The following HCN1 variants were observed in gnomAD, a reference collection of about 807,000 sequenced individuals.
HCN1 encodes the protein hyperpolarization activated cyclic nucleotide gated potassium channel 1.
HCN1 carries 13 observed loss-of-function variants against 78.9 expected under a neutral mutation model. That is an observed-to-expected ratio of 0.16 (90% confidence interval 0.11 to 0.26). HCN1 has a LOEUF of 0.26. Ranked by LOEUF, HCN1 falls within the 10% of genes least tolerant of loss-of-function variation. The pLI is 1.00. For synonymous variants in HCN1, 552 were observed against 455.5 expected, an observed-to-expected ratio of 1.21 and a Z score of -2.70; for missense variants, 810 against 1,154.3, an observed-to-expected ratio of 0.70 and a Z score of 4.32.
At chr5:45,626,587 T>C (rs1745167748) in intron 2 of HCN1, among the ~76,000 whole-genome samples, 1 of 152,122 alleles carries the variant, frequency 6.6e-6, no homozygotes, top group South Asian at 2.1e-4. Flanking sequence ...TCAGGAAATA[T>C]CTATTTGTGA....
intron 2 of HCN1, among the ~76,000 whole-genome samples, chr5:45,561,959 G>C (rs532191016): frequency 6.6e-6 from 1 of 152,220 alleles, no homozygotes; most frequent in East Asian, 1.9e-4. Flanking sequence ...GGCTGGTCCT[G>C]GTTTTTATTC....
intron 3 of HCN1, among the ~76,000 whole-genome samples, chr5:45,449,945 G>A (rs1054360032): frequency 5.3e-5 from 8 of 151,984 alleles, no homozygotes; most frequent in South Asian, 4.1e-4. Context: ...CCATTCTCCC[G>A]CCTCAGCCTC....
chr5:45,392,016 G>A (rs1561138023), intron 4 of HCN1, among the ~76,000 whole-genome samples: 2 of 152,010 alleles, frequency 1.3e-5, no homozygotes, highest in Non-Finnish European at 2.9e-5. Flanking sequence ...TGATCCTTAA[G>A]AATTTAAGGA....
chr5:45,308,830 G>T (rs1745790502), intron 5 of HCN1, among the ~76,000 whole-genome samples: 1 of 152,028 alleles, frequency 6.6e-6, no homozygotes, highest in African/African-American at 2.4e-5. Context: ...TTTTTCTTAG[G>T]ATTGTCTTGG....
intron 4 of HCN1, among the ~76,000 whole-genome samples, chr5:45,376,514 T>C (rs1579855047): frequency 6.6e-6 from 1 of 150,706 alleles, no homozygotes; most frequent in African/African-American, 2.4e-5. Flanking sequence ...AACTGCAAGA[T>C]ATAAATGTTG....
chr5:45,360,066 T>C (rs1473182444), intron 4 of HCN1, among the ~76,000 whole-genome samples: 4 of 151,022 alleles, frequency 2.6e-5, no homozygotes, highest in Non-Finnish European at 5.9e-5. Context: ...ATGTATGTTA[T>C]GTGATAAATA....
intron 1 of HCN1, among the ~76,000 whole-genome samples, chr5:45,658,547 T>A (rs1437074562): frequency 6.6e-6 from 1 of 151,904 alleles, no homozygotes; most frequent in Non-Finnish European, 1.5e-5. Flanking sequence ...AGGTAACGGG[T>A]TCATCTCACT....
intron 2 of HCN1, among the ~76,000 whole-genome samples, chr5:45,545,367 AT>A (rs1163181435): frequency 6.6e-6 from 1 of 152,040 alleles, no homozygotes; most frequent in Non-Finnish European, 1.5e-5. Context: ...AGATGGGTAG[AT>A]TGTAAAAATT....
chr5:45,325,681 A>G (rs1251783502), intron 5 of HCN1, among the ~76,000 whole-genome samples: 6 of 151,696 alleles, frequency 4.0e-5, no homozygotes, highest in Non-Finnish European at 7.4e-5. Context: ...TATATGAGAA[A>G]ATCAGCCCAT....
chr5:45,520,545 T>C (rs1230023619), intron 2 of HCN1, among the ~76,000 whole-genome samples: 2 of 152,050 alleles, frequency 1.3e-5, no homozygotes, highest in African/African-American at 4.8e-5. Flanking sequence ...GTATTAATCT[T>C]ATTTTCATGT....
At chr5:45,531,274 C>T (rs1742842069) in intron 2 of HCN1, among the ~76,000 whole-genome samples, 1 of 152,142 alleles carries the variant, frequency 6.6e-6, no homozygotes, top group Non-Finnish European at 1.5e-5. Flanking sequence ...AAATGTTTCT[C>T]TAATTTGTTC....
intron 3 of HCN1, among the ~76,000 whole-genome samples, chr5:45,450,749 A>G (rs907740259): frequency 6.6e-6 from 1 of 152,206 alleles, no homozygotes; most frequent in East Asian, 1.9e-4. Context: ...ACAAGAAATA[A>G]AAGATCTTAA....
At chr5:45,511,197 A>T (rs1742409104) in intron 2 of HCN1, among the ~76,000 whole-genome samples, 3 of 152,080 alleles carry the variant, frequency 2.0e-5, no homozygotes, top group Admixed American at 2.0e-4. Context: ...TTATTAGAAT[A>T]TAAGCCAAAG....
chr5:45,353,256 A>G lies in HCN1; in HGVS notation c.1231-10T>C. 1 of 1,585,782 alleles carries G rather than the reference A, an allele frequency of 6.3e-7. No homozygotes were observed. Reference sequence around the variant, plus strand: ...GTTCCACTTGCTTATACTGTAAGGAAGGGAAAATAAAATTAAAAAAAAACA... The same window carrying G: ...GTTCCACTTGCTTATACTGTAAGGAGGGGAAAATAAAATTAAAAAAAAACA... On this transcript the variant is annotated splice_polypyrimidine_tract_variant and intron_variant, in intron 4 of 7. Coordinates refer to ENST00000303230, the MANE Select transcript of HCN1 (RefSeq NM_021072.4).
intron 5 of HCN1, among the ~76,000 whole-genome samples, chr5:45,308,477 A>C (rs560821563): frequency 6.6e-6 from 1 of 152,220 alleles, no homozygotes; most frequent in African/African-American, 2.4e-5. Flanking sequence ...ACTCTTTTAA[A>C]AGTTACTTTT....
At chr5:45,647,680 CT>C (rs1425118024) in intron 1 of HCN1, among the ~76,000 whole-genome samples, 1 of 152,148 alleles carries the variant, frequency 6.6e-6, no homozygotes, top group Non-Finnish European at 1.5e-5. Flanking sequence ...ATATCTCACA[CT>C]CATCTCAAAC....
intron 2 of HCN1, among the ~76,000 whole-genome samples, chr5:45,472,386 T>A (rs1741408675): frequency 6.6e-6 from 1 of 151,876 alleles, no homozygotes. Context: ...TACAGGTTTA[T>A]GTGTCTGTGT....
At chr5:45,303,081 G>T (rs1036625791) in intron 6 of HCN1, among the ~76,000 whole-genome samples, 1 of 152,022 alleles carries the variant, frequency 6.6e-6, no homozygotes, top group African/African-American at 2.4e-5. Context: ...GCTACATTTT[G>T]CAGCCTTCCT....
intron 6 of HCN1, among the ~76,000 whole-genome samples, chr5:45,271,882 A>G (rs944535927): frequency 2.0e-5 from 3 of 152,134 alleles, no homozygotes; most frequent in African/African-American, 7.2e-5. Context: ...TTACCAACTC[A>G]AAACTCATCA....
Sources: allele counts gnomAD v4.1 joint callset (sites outside exome capture counted in the v4.1 genomes callset), GRCh38; gene constraint gnomAD v4.1.1; transcripts MANE v1.5; gene names NCBI Gene and HGNC (gene_info 2026-07-23, HGNC 2026-07-21).